COG5: variants seen among roughly 807,000 people sequenced by gnomAD.
COG5 encodes conserved oligomeric Golgi complex subunit 5.
Under a neutral mutation model 110.4 loss-of-function variants are expected in COG5, and 86 were observed. The ratio of observed to expected loss-of-function variants is 0.78; its 90% CI spans 0.65 to 0.93. The LOEUF (loss-of-function observed/expected upper bound fraction) is 0.93. COG5 is among the 40% of genes least tolerant of loss of function. The pLI is 0.00. For missense variants in COG5, 1,077 were observed against 987.0 expected (o/e 1.09, Z -1.22); for synonymous variants, 360 against 334.6 (o/e 1.08, Z -0.83).
chr7:107,452,833 C>A lies in COG5; in HGVS notation c.539-40201G>T, dbSNP rs576643992. Among the ~76,000 whole-genome samples the A allele has an allele frequency of 3.9e-5, 6 of 152,258 alleles. No homozygotes were observed. In the South Asian group the frequency reaches 1.0e-3, roughly 26 times the overall value. The stretch of plus-strand genomic sequence containing the variant: ...GGAAAGGCTGTCTCTTTGTATGATA[C>A]ACTTTCACCAATCTGAACAAGCACC... On this transcript the variant is annotated intron_variant, in intron 6 of 21. Coordinates refer to ENST00000297135, the MANE Select transcript of COG5 (RefSeq NM_006348.5).
chr7:107,445,520 G>T (rs7787113), intron 6 of COG5, among the ~76,000 whole-genome samples: 67,057 of 151,950 alleles, frequency 0.44, 15,209 homozygotes, highest in Non-Finnish European at 0.5. Flanking sequence ...GGTTTACTGT[G>T]AATCCATTTT....
At chr7:107,300,887 C>T (rs1030579088) in intron 11 of COG5, among the ~76,000 whole-genome samples, 2 of 152,044 alleles carry the variant, frequency 1.3e-5, no homozygotes, top group Non-Finnish European at 2.9e-5. Flanking sequence ...AGTACTAATA[C>T]AACCTGATTT....
intron 11 of COG5, among the ~76,000 whole-genome samples, chr7:107,311,615 G>A (rs541210294): frequency 3.3e-5 from 5 of 150,128 alleles, no homozygotes; most frequent in East Asian, 2.0e-4. Flanking sequence ...GGATGGTCTC[G>A]ATCTCCTGAC....
chr7:107,548,167 T>C lies in COG5; in HGVS notation c.361A>G (p.Ile121Val). Residue 121 changes from isoleucine (I) to valine (V), a missense_variant, in exon 5 of 22, where the codon ATT becomes GTT. By Grantham distance (29) the Ile-to-Val change is conservative. Transcript: ENST00000297135. ...QGAVDRIKAK[I>V]VEPYNKIVAR... ...ACTATCTTATTGTATGGTTCAACAA[T>C]TTTTGCTTTTATCCTACAGGAAAAG... The C allele has an allele frequency of 1.9e-6, 3 of 1,613,866 alleles. No individual in the cohort carries two copies. Among genetic ancestry groups the C allele is most frequent in the Non-Finnish European group, 2.5e-6 (3 of 1,179,808 alleles).
chr7:107,526,392 G>T lies in COG5; in HGVS notation c.538+845C>A, dbSNP rs538542712. Among the ~76,000 whole-genome samples, 17 of 152,310 alleles carry T rather than the reference G, an allele frequency of 1.1e-4. No homozygotes were observed. The South Asian group carries it at 3.5e-3, about 32-fold the overall frequency. ...GAAAAATTATGAACTGCTGCATCAT[G>T]GACTTTGCAGCTGGTTAATAGTCAA... On this transcript the variant is annotated intron_variant, in intron 6 of 21. Transcript: ENST00000297135.
At chr7:107,424,627 A>T (rs764548117) in intron 6 of COG5, among the ~76,000 whole-genome samples, 5 of 152,144 alleles carry the variant, frequency 3.3e-5, no homozygotes, top group Non-Finnish European at 5.9e-5. Context: ...AAAGACATCA[A>T]GAAGGATTTT....
chr7:107,534,183 GA>G (rs201775193), intron 5 of COG5, among the ~76,000 whole-genome samples: 2,344 of 151,354 alleles, frequency 0.015, 135 homozygotes, highest in African/African-American at 0.052. Context: ...ATATCAAAAG[GA>G]AAAACTGGTA....
intron 6 of COG5, among the ~76,000 whole-genome samples, chr7:107,494,388 A>C (rs566379681): frequency 1.9e-4 from 29 of 152,306 alleles, no homozygotes; most frequent in Admixed American, 4.6e-4. Context: ...TGATGTTTTA[A>C]TTAGTAACAG....
At chr7:107,322,011 A>AT (rs1393827071) in intron 11 of COG5, among the ~76,000 whole-genome samples, 1 of 152,250 alleles carries the variant, frequency 6.6e-6, no homozygotes, top group Admixed American at 6.5e-5. Context: ...CTTGGGACTC[A>AT]TTAAGAGAAC....
chr7:107,413,012 T>C (rs1227623583), intron 6 of COG5, among the ~76,000 whole-genome samples: 2 of 152,106 alleles, frequency 1.3e-5, no homozygotes, highest in Non-Finnish European at 2.9e-5. Context: ...CTGTTGTTTT[T>C]TTTTTAAGAG....
intron 8 of COG5, among the ~76,000 whole-genome samples, chr7:107,367,714 T>C (rs1813759820): frequency 6.6e-6 from 1 of 152,104 alleles, no homozygotes; most frequent in Non-Finnish European, 1.5e-5. Flanking sequence ...ATGTTCTCAC[T>C]TATAAGTGGG....
chr7:107,373,312 G>T (rs1441864780), intron 7 of COG5, among the ~76,000 whole-genome samples: 1 of 152,076 alleles, frequency 6.6e-6, no homozygotes, highest in African/African-American at 2.4e-5. Context: ...TGTCTTCATG[G>T]AACTTACATT....
chr7:107,202,211 G>GTATCT lies in COG5; in HGVS notation c.*1300_*1304dup, dbSNP rs1342194542. The GTATCT allele has an allele frequency of 3.3e-5, 5 of 152,458 alleles. No homozygotes were observed. The highest frequency in any genetic ancestry group is 3.3e-4 in the Admixed American group (5 of 15,252). The allele number at this position is 152,458 out of a possible 1,614,324, so 9.4% of individuals were successfully genotyped here. A position where few individuals can be genotyped will look rare whatever the true frequency, so the allele number is the denominator to read the frequency against. ...TCGTGTTCTGTATCTCCTCAGCCAT[G>GTATCT]TATCTTAAATATATTTTGTCATCAT... On this transcript the variant is annotated 3_prime_UTR_variant, in exon 22 of 22. Coordinates refer to ENST00000297135, the MANE Select transcript of COG5 (RefSeq NM_006348.5).
At chr7:107,333,994 A>C (rs1475365524) in intron 10 of COG5, among the ~76,000 whole-genome samples, 1 of 152,138 alleles carries the variant, frequency 6.6e-6, no homozygotes, top group African/African-American at 2.4e-5. Context: ...TCTTGGGGTC[A>C]ATATTGCCCC....
At chr7:107,335,408 A>G (rs1437850418) in intron 10 of COG5, among the ~76,000 whole-genome samples, 1 of 152,164 alleles carries the variant, frequency 6.6e-6, no homozygotes. Flanking sequence ...ATAAAATAAA[A>G]CAAAACAACT....
chr7:107,448,449 T>A (rs796634491), intron 6 of COG5, among the ~76,000 whole-genome samples: 5 of 152,294 alleles, frequency 3.3e-5, no homozygotes, highest in African/African-American at 1.2e-4. Context: ...GCTTTCTTAG[T>A]TTCCATCATT....
chr7:107,413,542 A>AC (rs1185265679), intron 6 of COG5, among the ~76,000 whole-genome samples: 2 of 149,470 alleles, frequency 1.3e-5, no homozygotes, highest in Admixed American at 6.7e-5. Context: ...AAACACAACA[A>AC]AAAAAAAAAA....
At chr7:107,298,645 A>G (rs760652785) in intron 11 of COG5, among the ~76,000 whole-genome samples, 2 of 152,180 alleles carry the variant, frequency 1.3e-5, no homozygotes, top group Non-Finnish European at 2.9e-5. Flanking sequence ...AGTACACAGA[A>G]AATCGGGACA....
At chr7:107,420,458 T>G (rs1793203866) in intron 6 of COG5, among the ~76,000 whole-genome samples, 1 of 152,166 alleles carries the variant, frequency 6.6e-6, no homozygotes, top group Non-Finnish European at 1.5e-5. Context: ...AAACACAGGT[T>G]AAAATTTGTT....
Sources: allele counts gnomAD v4.1 joint callset (sites outside exome capture counted in the v4.1 genomes callset), GRCh38; gene constraint gnomAD v4.1.1; transcripts MANE v1.5; gene names NCBI Gene and HGNC (gene_info 2026-07-23, HGNC 2026-07-21).